CLASP1: variants seen among roughly 807,000 people sequenced by gnomAD.
CLASP1 encodes the protein cytoplasmic linker associated protein 1.
Under a neutral mutation model 192.3 loss-of-function variants are expected in CLASP1, and 38 were observed. The ratio of observed to expected loss-of-function variants is 0.20; its 90% CI spans 0.15 to 0.26. The LOEUF (loss-of-function observed/expected upper bound fraction) is 0.26. Among genes scored for constraint, CLASP1 ranks in the 10% least tolerant of loss-of-function variants. The pLI, the probability that CLASP1 is intolerant of heterozygous loss-of-function variation, is 1.00. For missense variants in CLASP1, 1,433 were observed against 1,932.5 expected (o/e 0.74, Z 4.85); for synonymous variants, 691 against 712.8 (o/e 0.97, Z 0.49).
intron 8 of CLASP1, chr2:121,470,736 T>G (rs1279928796): frequency 7.3e-6 from 3 of 409,928 alleles, no homozygotes; most frequent in African/African-American, 6.3e-5. Context: ...TAAAAGTTCT[T>G]GATGTATAGT....
intron 2 of CLASP1, among the ~76,000 whole-genome samples, chr2:121,593,982 T>TGGGCGACAGAGGGAGA: frequency 7.0e-6 from 1 of 142,260 alleles, no homozygotes; most frequent in East Asian, 2.1e-4. Context: ...CACTCCAGCC[T>TGGGCGACAGAGGGAGA]CAGTAACAAG....
At chr2:121,376,477 C>T (rs1283491631) in intron 34 of CLASP1, among the ~76,000 whole-genome samples, 1 of 129,156 alleles carries the variant, frequency 7.7e-6, no homozygotes. Context: ...AAGAGTTGAG[C>T]TCATAGAAGT....
chr2:121,387,828 T>C, exon 31 of CLASP1: 2 of 1,613,604 alleles, frequency 1.2e-6, no homozygotes, highest in African/African-American at 2.7e-5. Flanking sequence ...TCCTGGAATG[T>C]TTTTGGCAAG....
At chr2:121,436,848 C>T (rs992065041) in intron 19 of CLASP1, among the ~76,000 whole-genome samples, 2 of 152,208 alleles carry the variant, frequency 1.3e-5, no homozygotes, top group African/African-American at 2.4e-5. Context: ...AACTTAACAA[C>T]TCTGTCATAT....
intron 8 of CLASP1, among the ~76,000 whole-genome samples, chr2:121,492,389 C>CAAAAA (rs761378692): frequency 7.9e-5 from 3 of 37,912 alleles, no homozygotes; most frequent in Admixed American, 3.5e-4. Flanking sequence ...ACTCCCTCTC[C>CAAAAA]AAAAAAAAAA....
rs182745974 is a variant in CLASP1, at chr2:121,401,926, T to C, written c.2734-56A>G. 6.5e-5 allele frequency: 42 copies of C among 646,000 alleles called. No homozygotes were observed. The East Asian group carries it at 1.3e-3, about 20-fold the overall frequency. The allele number at this position is 646,000 out of a possible 1,614,324, so 40.0% of individuals were successfully genotyped here. A position where few individuals can be genotyped will look rare whatever the true frequency, so the allele number is the denominator to read the frequency against. On this transcript the variant is annotated intron_variant, in intron 26 of 39. Transcript: ENST00000263710. ...TGCAACAAAACAAATTCCATGTTAG[T>C]TGGCAGTGAATTAATACCATTTTCA...
intron 23 of CLASP1, among the ~76,000 whole-genome samples, chr2:121,414,925 C>G (rs1323658012): frequency 6.6e-6 from 1 of 152,020 alleles, no homozygotes; most frequent in Non-Finnish European, 1.5e-5. Flanking sequence ...GCAGGGACTA[C>G]AGGGATGTGC....
chr2:121,426,215 T>C (rs577721041), intron 21 of CLASP1, among the ~76,000 whole-genome samples: 1 of 152,262 alleles, frequency 6.6e-6, no homozygotes, highest in East Asian at 1.9e-4. Context: ...CTGTCTGGTA[T>C]TTTTAAAAGT....
intron 2 of CLASP1, among the ~76,000 whole-genome samples, chr2:121,552,526 A>G (rs1293795887): frequency 6.6e-6 from 1 of 152,240 alleles, no homozygotes; most frequent in East Asian, 1.9e-4. Flanking sequence ...AATACAGGCA[A>G]AGGACATGAA....
intron 39 of CLASP1, among the ~76,000 whole-genome samples, chr2:121,341,344 G>A (rs2062761153): frequency 6.6e-6 from 1 of 152,202 alleles, no homozygotes; most frequent in African/African-American, 2.4e-5. Context: ...GCTCCACAGG[G>A]GGGAAGTGGC....
intron 23 of CLASP1, among the ~76,000 whole-genome samples, chr2:121,417,464 A>G (rs1194828937): frequency 1.3e-5 from 2 of 152,056 alleles, no homozygotes; most frequent in African/African-American, 2.4e-5. Context: ...GAAAAAAAAA[A>G]AAAATCATTG....
chr2:121,430,285 G>C (rs1447839834), intron 19 of CLASP1, 108 bp from the exon 20 acceptor site: 1 of 745,998 alleles, frequency 1.3e-6, no homozygotes, highest in South Asian at 1.7e-5. Flanking sequence ...CCAACTACAT[G>C]GGGAGCAACA....
Position 121,528,856 on chromosome 2 carries a change from T to C in CLASP1, c.275-76A>G, listed in dbSNP as rs906044027. On this transcript the variant is annotated intron_variant, in intron 3 of 39. Coordinates refer to ENST00000263710, the Ensembl canonical transcript of CLASP1. Reference sequence around the variant, plus strand: ...TGGTCACCAAGTATTCCTATCTCAATTATGTGGGAAGACAAACCCCTGACC... The same window carrying C: ...TGGTCACCAAGTATTCCTATCTCAACTATGTGGGAAGACAAACCCCTGACC... 7 of 1,130,172 alleles carry C rather than the reference T, an allele frequency of 6.2e-6. No homozygotes were observed. The Middle Eastern group carries it at 7.8e-4, about 127-fold the overall frequency. 70.0% of individuals were successfully genotyped at this position (1,130,172 alleles called of 1,614,324 possible). A position where few individuals can be genotyped will look rare whatever the true frequency, so the allele number is the denominator to read the frequency against.
At chr2:121,642,411 A>AG (rs1017512985) in intron 1 of CLASP1, among the ~76,000 whole-genome samples, 3 of 151,704 alleles carry the variant, frequency 2.0e-5, no homozygotes, top group Non-Finnish European at 4.4e-5. Context: ...TAAAAAAAAA[A>AG]AAAAAAAGAA....
chr2:121,378,910 C>A (rs888274302), intron 33 of CLASP1, among the ~76,000 whole-genome samples: 1 of 151,018 alleles, frequency 6.6e-6, no homozygotes, highest in African/African-American at 2.4e-5. Flanking sequence ...AAGTGAGTTT[C>A]CTGTAATGTA....
At chr2:121,482,465 G>A (rs767236913) in intron 8 of CLASP1, among the ~76,000 whole-genome samples, 4 of 152,078 alleles carry the variant, frequency 2.6e-5, no homozygotes, top group Non-Finnish European at 5.9e-5. Flanking sequence ...AACTTACAGC[G>A]ACACGCCAAG....
intron 33 of CLASP1, among the ~76,000 whole-genome samples, chr2:121,379,482 T>C (rs1383196157): frequency 2.6e-5 from 4 of 152,218 alleles, no homozygotes; most frequent in Admixed American, 6.5e-5. Flanking sequence ...TACTAGCTTT[T>C]GTATGGACAA....
exon 18 of CLASP1, chr2:121,448,324 G>A (rs1574948854): frequency 1.2e-6 from 2 of 1,608,010 alleles, no homozygotes; most frequent in South Asian, 1.1e-5. Flanking sequence ...GACAGCGGAC[G>A]ACTAAAAGTA....
chr2:121,555,727 A>G (rs2105231870), intron 2 of CLASP1, among the ~76,000 whole-genome samples: 1 of 150,060 alleles, frequency 6.7e-6, no homozygotes, highest in South Asian at 2.1e-4. Context: ...GTCTTGCTCT[A>G]TCAAGTACAG....
Sources: allele counts gnomAD v4.1 joint callset (sites outside exome capture counted in the v4.1 genomes callset), GRCh38; gene constraint gnomAD v4.1.1; transcripts MANE v1.5; gene names NCBI Gene and HGNC (gene_info 2026-07-23, HGNC 2026-07-21).